SMOX: variants seen among roughly 807,000 people sequenced by gnomAD.
SMOX encodes the protein flavin containing amine oxidase.
In SMOX, 22 loss-of-function variants were observed where a neutral mutation model predicts 51.0. The observed-to-expected ratio is 0.43, with a 90% CI of 0.31 to 0.62. The LOEUF (loss-of-function observed/expected upper bound fraction) is 0.62, where lower values mean the gene tolerates loss of function less well. Among genes scored for constraint, SMOX ranks in the 20% least tolerant of loss-of-function variants. The probability of loss-of-function intolerance (pLI) is 0.10; values close to 1 mark genes in which losing one functional copy is unlikely to be tolerated. For missense variants in SMOX, 566 were observed against 777.7 expected, an observed-to-expected ratio of 0.73 and a Z score of 3.24; for synonymous variants, 282 against 307.8, an observed-to-expected ratio of 0.92 and a Z score of 0.88.
chr20:4,158,057 C>T (rs914847239), intron 1 of SMOX, among the ~76,000 whole-genome samples: 27 of 149,808 alleles, frequency 1.8e-4, no homozygotes, highest in African/African-American at 2.2e-4. Flanking sequence ...CCCGCCACCA[C>T]GCCCGGCTAA....
intron 1 of SMOX, among the ~76,000 whole-genome samples, chr20:4,164,749 G>A (rs1986482465): frequency 6.6e-6 from 1 of 152,148 alleles, no homozygotes; most frequent in Admixed American, 6.6e-5. Context: ...GGTTTCGGCT[G>A]TGTCAGGAGA....
In SMOX at chr20:4,183,205, C is replaced by T. The variant is rs3818192; in HGVS notation, c.1370-289C>T. On this transcript the variant is annotated intron_variant, in intron 5 of 6. Coordinates refer to ENST00000305958, the MANE Select transcript of SMOX (RefSeq NM_175839.3). The surrounding 1 kb of genome is among the most constrained non-coding windows in gnomAD (Gnocchi z 4.3). ...CACCCACTATTCCAGGAGGACCTCA[C>T]GAGAACCCCCGATATTAGGCGGGGA... The T allele has an allele frequency of 0.043, 24,404 of 567,484 alleles. 979 individuals are homozygous for T. Among genetic ancestry groups the T allele is most frequent in the East Asian group, 0.18 (5,714 of 32,492 alleles). 35.2% of individuals were successfully genotyped at this position (567,484 alleles called of 1,614,324 possible).
At position 4,178,920 on chromosome 20, in the gene SMOX, T is replaced by C. The variant is rs147583688; in HGVS notation, c.435+1343T>C. Among the ~76,000 whole-genome samples, 89 of 152,238 alleles carry C rather than the reference T, an allele frequency of 5.8e-4. No homozygotes were observed. In the East Asian group the frequency reaches 0.016, roughly 27 times the overall value. On this transcript the variant is annotated intron_variant, in intron 3 of 6. Transcript: ENST00000305958. ...CTGGTCTCGAACTCCTGACCTCAGG[T>C]GATCCGCCCACCTTGGTCTCCCAAA...
In SMOX at chr20:4,187,219, T is replaced by C. The variant is rs1280140687; in HGVS notation, c.1531-51T>C. The C allele has an allele frequency of 1.3e-6, 2 of 1,578,474 alleles. No individual in the cohort carries two copies. The highest frequency in any genetic ancestry group is 1.7e-5 in the Admixed American group (1 of 57,338). On this transcript the variant is annotated intron_variant, in intron 6 of 6. Coordinates refer to ENST00000305958, the MANE Select transcript of SMOX (RefSeq NM_175839.3). The surrounding 1 kb of genome is among the most constrained non-coding windows in gnomAD (Gnocchi z 4.8). ...GGTGGAGAGGGGTGGCCTTGTGGCC[T>C]TCTGGCCTTTGCTGCTCCTCCACCC... is the stretch of plus-strand genomic sequence containing the variant.
At position 4,181,572 on chromosome 20, in the gene SMOX, A is replaced by T. The variant is rs960755817; in HGVS notation, c.436-231A>T. ...TCCTAAGTGAGGGCCCAGCAAGAAA[A>T]CCTCCGGGGCTTATCCCACCTCCCC... is the stretch of plus-strand genomic sequence containing the variant. On this transcript the variant is annotated intron_variant, in intron 3 of 6. Coordinates refer to ENST00000305958, the MANE Select transcript of SMOX (RefSeq NM_175839.3). The surrounding 1 kb of genome is among the most constrained non-coding windows in gnomAD (Gnocchi z 5.6). Among the ~76,000 whole-genome samples, 5 of 151,456 alleles carry T rather than the reference A, an allele frequency of 3.3e-5. No homozygotes were observed. Among genetic ancestry groups the T allele is most frequent in the African/African-American group, 1.2e-4 (5 of 41,188 alleles).
chr20:4,157,486 C>A (rs1986069702), intron 1 of SMOX, among the ~76,000 whole-genome samples: 1 of 152,120 alleles, frequency 6.6e-6, no homozygotes, highest in African/African-American at 2.4e-5. Flanking sequence ...GTGGGGAGAT[C>A]TGGACAGAAT....
At chr20:4,160,279 A>T (rs1187227672) in intron 1 of SMOX, among the ~76,000 whole-genome samples, 1 of 151,862 alleles carries the variant, frequency 6.6e-6, no homozygotes, top group Non-Finnish European at 1.5e-5. Flanking sequence ...CCTTGAGATG[A>T]CTCCTGCCAG....
Position 4,149,124 on chromosome 20 carries a change from C to A in SMOX, c.-27+147C>A, listed in dbSNP as rs1985591024. On this transcript the variant is annotated intron_variant, in intron 1 of 6. Coordinates refer to ENST00000305958, the MANE Select transcript of SMOX (RefSeq NM_175839.3). The surrounding 1 kb of genome is among the most constrained non-coding windows in gnomAD (Gnocchi z 6.0). ...CCCGGGGCTTGGGCGGCCAGCGCGG[C>A]GCTCGGGCGCTCGGGCGGGGGTGCG... The A allele has an allele frequency of 6.7e-6, 1 of 148,932 alleles. No homozygotes were observed. Among genetic ancestry groups the A allele is most frequent in the South Asian group, 2.1e-4 (1 of 4,878 alleles). 9.2% of individuals were successfully genotyped at this position (148,932 alleles called of 1,614,324 possible).
At position 4,182,855 on chromosome 20, in the gene SMOX, C is replaced by A; in HGVS notation, c.1369+7C>A. ...ATGCTGCGTCAGTTCACAGGTGCGC[C>A]ACGTGCCCCACGACCCGCTTCCCCC... On this transcript the variant is annotated splice_region_variant and intron_variant, in intron 5 of 6. Coordinates refer to ENST00000305958, the MANE Select transcript of SMOX (RefSeq NM_175839.3). This position sits in a 1 kb window ranked among gnomAD's most constrained non-coding sequence, Gnocchi z 8.4. 1.3e-6 allele frequency: 2 copies of A among 1,595,816 alleles called. No homozygotes were observed. The highest frequency in any genetic ancestry group is 1.7e-6 in the Non-Finnish European group (2 of 1,175,866).
rs1464420902 is a variant in SMOX, at chr20:4,170,125, C to A, written c.-26-4905C>A. Among the ~76,000 whole-genome samples the A allele has an allele frequency of 6.6e-6, 1 of 151,234 alleles. No homozygotes were observed. The highest frequency in any genetic ancestry group is 1.5e-5 in the Non-Finnish European group (1 of 67,868). Reference sequence around the variant, plus strand: ...GGAGGGTGGGGCTGGGAGATTGAGACCCGCATGGGTGAGGCTCACATAGAG... The same window carrying A: ...GGAGGGTGGGGCTGGGAGATTGAGAACCGCATGGGTGAGGCTCACATAGAG... On this transcript the variant is annotated intron_variant, in intron 1 of 6. Transcript: ENST00000305958. This position sits in a 1 kb window ranked among gnomAD's most constrained non-coding sequence, Gnocchi z 4.6.
rs1057005541 is a variant in SMOX, at chr20:4,149,729, G to T, written c.-27+752G>T. On this transcript the variant is annotated intron_variant, in intron 1 of 6. Coordinates refer to ENST00000305958, the MANE Select transcript of SMOX (RefSeq NM_175839.3). The surrounding 1 kb of genome is among the most constrained non-coding windows in gnomAD (Gnocchi z 6.0). ...GGGCCCGCGGAGCTTGCGCCAGGGG[G>T]ACTTGGCCCGATGAGATACGCTCGG... Among the ~76,000 whole-genome samples the T allele has an allele frequency of 2.6e-5, 4 of 152,326 alleles. No individual in the cohort carries two copies. Among genetic ancestry groups the T allele is most frequent in the Admixed American group, 6.5e-5 (1 of 15,308 alleles).
chr20:4,161,011 G>C (rs531733666), intron 1 of SMOX, among the ~76,000 whole-genome samples: 1 of 152,216 alleles, frequency 6.6e-6, no homozygotes, highest in Non-Finnish European at 1.5e-5. Flanking sequence ...GGGGAACTGC[G>C]CCCGGCTGAG....
chr20:4,176,973 A>T (rs746156631), intron 2 of SMOX, among the ~76,000 whole-genome samples: 24 of 152,180 alleles, frequency 1.6e-4, no homozygotes, highest in Non-Finnish European at 3.1e-4. Flanking sequence ...GAATTGAAAA[A>T]GGCCAGGTGG....
At chr20:4,154,141 G>A (rs1386836887) in intron 1 of SMOX, among the ~76,000 whole-genome samples, 3 of 152,200 alleles carry the variant, frequency 2.0e-5, no homozygotes, top group Non-Finnish European at 4.4e-5. Flanking sequence ...TTGAAGCCAG[G>A]TTGGGAAAGG....
intron 1 of SMOX, among the ~76,000 whole-genome samples, chr20:4,150,982 C>T (rs998030401): frequency 1.3e-5 from 2 of 152,100 alleles, no homozygotes; most frequent in African/African-American, 4.8e-5. Context: ...CAGGCATGCG[C>T]CACCACGCCC....
chr20:4,180,210 A>G (rs546452502), intron 3 of SMOX, among the ~76,000 whole-genome samples: 1 of 152,258 alleles, frequency 6.6e-6, no homozygotes, highest in African/African-American at 2.4e-5. Context: ...AAGATGAAAC[A>G]ATTTCCCTCA....
intron 1 of SMOX, among the ~76,000 whole-genome samples, chr20:4,168,883 CTATTTTATTTTATTTTA>C (rs1483786722): frequency 4.7e-5 from 6 of 128,570 alleles, no homozygotes; most frequent in African/African-American, 1.7e-4. Context: ...AATTAATGCT[CTATTTTATTTTATTTTA>C]TTTTATTTTA....
chr20:4,166,208 G>A lies in SMOX; in HGVS notation c.-26-8822G>A, dbSNP rs1986563354. 6.6e-6 allele frequency among the ~76,000 whole-genome samples: 1 copy of A among 152,148 alleles called. No homozygotes were observed. Reference sequence around the variant, plus strand: ...GCTGAAGGTGGGACCTATAGGGTGAGGCTTGGGATGAAGCTGCAGGGGTGT... The same window carrying A: ...GCTGAAGGTGGGACCTATAGGGTGAAGCTTGGGATGAAGCTGCAGGGGTGT... On this transcript the variant is annotated intron_variant, in intron 1 of 6. Transcript: ENST00000305958. This position sits in a 1 kb window ranked among gnomAD's most constrained non-coding sequence, Gnocchi z 4.2.
chr20:4,183,972 C>T lies in SMOX; in HGVS notation c.1530+318C>T, dbSNP rs1023094007. 3.1e-4 allele frequency among the ~76,000 whole-genome samples: 47 copies of T among 151,756 alleles called. No homozygotes were observed. Among genetic ancestry groups the T allele is most frequent in the African/African-American group, 1.1e-3 (46 of 41,318 alleles). ...AATTTATTAAAAATTTAAATTAATA[C>T]AGTATTTTTTTTTTCTTTTTTGAGA... On this transcript the variant is annotated intron_variant, in intron 6 of 6. Coordinates refer to ENST00000305958, the MANE Select transcript of SMOX (RefSeq NM_175839.3). The surrounding 1 kb of genome is among the most constrained non-coding windows in gnomAD (Gnocchi z 4.3).
Sources: gnomAD v4.1 joint callset for allele counts (sites outside exome capture counted in the v4.1 genomes callset) on GRCh38, gnomAD v4.1.1 for gene constraint, Gnocchi (gnomAD v3.1) non-coding constraint, MANE v1.5 for transcripts, NCBI Gene and HGNC (gene_info 2026-07-23, HGNC 2026-07-21) for gene names.